The following PDZD2 variants were observed in gnomAD, a reference collection of about 807,000 sequenced individuals.
PDZD2 encodes PDZ domain containing 2, also known as PDZ domain-containing protein 2.
Under a neutral mutation model 220.7 loss-of-function variants are expected in PDZD2, and 90 were observed. That is an observed-to-expected ratio of 0.41 (90% confidence interval 0.34 to 0.49). PDZD2 has a LOEUF of 0.49. Among genes scored for constraint, PDZD2 ranks in the 20% least tolerant of loss-of-function variants. The probability of loss-of-function intolerance (pLI) is 0.28; values close to 1 mark genes in which losing one functional copy is unlikely to be tolerated. For synonymous variants in PDZD2, 1,375 were observed against 1,450.5 expected, an observed-to-expected ratio of 0.95 and a Z score of 1.18; for missense variants, 3,174 against 3,608.5, an observed-to-expected ratio of 0.88 and a Z score of 3.08.
intron 1 of PDZD2, among the ~76,000 whole-genome samples, chr5:31,690,847 G>C (rs1747089921): frequency 6.6e-6 from 1 of 152,082 alleles, no homozygotes; most frequent in African/African-American, 2.4e-5. Context: ...TTTTTTTGGG[G>C]GGCCACTGTC....
At chr5:31,874,304 T>TA (rs1463421461) in intron 2 of PDZD2, among the ~76,000 whole-genome samples, 2 of 152,166 alleles carry the variant, frequency 1.3e-5, no homozygotes, top group African/African-American at 4.8e-5. Flanking sequence ...CATTGGCACA[T>TA]AAAAATCAAT....
rs777036244 is a variant in PDZD2, at chr5:32,074,351, G to A, written c.3245G>A (p.Ser1082Asn). 1.7e-5 allele frequency: 28 copies of A among 1,614,094 alleles called. No homozygotes were observed. In the Admixed American group the frequency reaches 4.3e-4, roughly 25 times the overall value. The change falls in exon 18 of 25, where the codon AGT becomes AAT. Residue 1082 changes from serine to asparagine, a missense_variant. This residue lies in a region of PDZD2 where 1,861 missense variants were observed against 2,001.0 expected (regional missense o/e 0.93). Transcript: ENST00000438447. ...TGGAAGAAGGAACTGTCAGGATCAAGTAGCGCACCCAAATTGGAATACACA... is the reference window on the plus strand; with the variant it reads ...TGGAAGAAGGAACTGTCAGGATCAAATAGCGCACCCAAATTGGAATACACA... ...SWWKKELSGS[S>N]SAPKLEYTVR...
intron 1 of PDZD2, among the ~76,000 whole-genome samples, chr5:31,729,769 T>C (rs1749410383): frequency 6.6e-6 from 1 of 152,228 alleles, no homozygotes; most frequent in Non-Finnish European, 1.5e-5. Context: ...AGAGTGTATC[T>C]TGTGATTCTT....
chr5:32,107,819 A>C (rs570044126), intron 24 of PDZD2, 150 bp from the exon 25 acceptor site: 1 of 507,602 alleles, frequency 2.0e-6, no homozygotes, highest in African/African-American at 2.0e-5. Flanking sequence ...ACTTTTATGG[A>C]TATATGCTTT....
At chr5:31,942,544 G>C (rs1470559991) in intron 2 of PDZD2, among the ~76,000 whole-genome samples, 1 of 152,118 alleles carries the variant, frequency 6.6e-6, no homozygotes, top group African/African-American at 2.4e-5. Flanking sequence ...ATCCTAACTT[G>C]CTGTAACCTT....
intron 1 of PDZD2, among the ~76,000 whole-genome samples, chr5:31,688,318 G>A (rs1406221707): frequency 6.6e-6 from 1 of 152,142 alleles, no homozygotes; most frequent in East Asian, 1.9e-4. Context: ...TGAAAGTAAA[G>A]GCCCTGGTGA....
intron 2 of PDZD2, among the ~76,000 whole-genome samples, chr5:31,801,432 G>T (rs560141716): frequency 6.6e-6 from 1 of 152,306 alleles, no homozygotes; most frequent in East Asian, 1.9e-4. Flanking sequence ...CTTCCTGGAG[G>T]CTGGGTCCAG....
At chr5:31,655,097 C>G (rs1439072348) in intron 1 of PDZD2, among the ~76,000 whole-genome samples, 1 of 152,202 alleles carries the variant, frequency 6.6e-6, no homozygotes, top group African/African-American at 2.4e-5. Flanking sequence ...TTCCGTGCTA[C>G]CCTACACTAG....
At chr5:31,696,754 C>T (rs1747396671) in intron 1 of PDZD2, among the ~76,000 whole-genome samples, 1 of 152,240 alleles carries the variant, frequency 6.6e-6, no homozygotes, top group Non-Finnish European at 1.5e-5. Context: ...TTAACCTCAA[C>T]CCCTTTCTCC....
At chr5:32,062,465 C>T (rs1408509044) in intron 14 of PDZD2, among the ~76,000 whole-genome samples, 1 of 150,904 alleles carries the variant, frequency 6.6e-6, no homozygotes, top group African/African-American at 2.4e-5. Context: ...ACAATCATGG[C>T]TCACTGCAAC....
At chr5:31,781,298 C>G (rs1753049739) in intron 1 of PDZD2, among the ~76,000 whole-genome samples, 1 of 152,306 alleles carries the variant, frequency 6.6e-6, no homozygotes, top group African/African-American at 2.4e-5. Flanking sequence ...TCTGTAATCC[C>G]AGCTACTCAT....
chr5:32,033,829 G>A (rs1366605663), intron 6 of PDZD2, among the ~76,000 whole-genome samples: 1 of 152,130 alleles, frequency 6.6e-6, no homozygotes, highest in Non-Finnish European at 1.5e-5. Context: ...ATGTTGGCCA[G>A]GCTGGTCTTG....
intron 2 of PDZD2, among the ~76,000 whole-genome samples, chr5:31,849,803 C>T (rs1757807456): frequency 1.3e-5 from 2 of 148,900 alleles, no homozygotes; most frequent in South Asian, 4.2e-4. Context: ...GAGATTGCGC[C>T]ACTGCCCTCC....
At chr5:31,998,834 G>C (rs557237055) in intron 4 of PDZD2, among the ~76,000 whole-genome samples, 181 of 152,378 alleles carry the variant, frequency 1.2e-3, no homozygotes, top group Non-Finnish European at 2.0e-3. Flanking sequence ...CAGGCCACAG[G>C]TTGGCCAAGC....
At chr5:31,832,270 G>GA (rs1756648225) in intron 2 of PDZD2, among the ~76,000 whole-genome samples, 1 of 148,676 alleles carries the variant, frequency 6.7e-6, no homozygotes, top group Non-Finnish European at 1.5e-5. Flanking sequence ...CGGGAGAAGG[G>GA]ACGAATGGAG....
chr5:31,678,284 A>G (rs1746521127), intron 1 of PDZD2, among the ~76,000 whole-genome samples: 2 of 151,944 alleles, frequency 1.3e-5, no homozygotes, highest in Non-Finnish European at 2.9e-5. Flanking sequence ...GCCTACTCCC[A>G]CTCACCCCAG....
intron 2 of PDZD2, among the ~76,000 whole-genome samples, chr5:31,845,825 A>T (rs1018429510): frequency 3.9e-5 from 6 of 152,250 alleles, no homozygotes; most frequent in African/African-American, 1.4e-4. Flanking sequence ...TAAAAGGCTT[A>T]CAACAGGTCT....
chr5:32,000,648 T>A lies in PDZD2; in HGVS notation c.1254+377T>A, dbSNP rs1752032322. On this transcript the variant is annotated intron_variant, in intron 5 of 24. Transcript: ENST00000438447. The surrounding 1 kb of genome is among the most constrained non-coding windows in gnomAD (Gnocchi z 4.5). ...GCCTCAGCCTCCCAAGTAGCTAGGA[T>A]TACAGCCACATGCCATCACACCCGG... Among the ~76,000 whole-genome samples the A allele has an allele frequency of 6.6e-6, 1 of 152,108 alleles. No homozygotes were observed. The highest frequency in any genetic ancestry group is 6.5e-5 in the Admixed American group (1 of 15,270).
At chr5:31,718,813 G>A (rs1561404702) in intron 1 of PDZD2, among the ~76,000 whole-genome samples, 1 of 146,532 alleles carries the variant, frequency 6.8e-6, no homozygotes, top group Admixed American at 7.2e-5. Context: ...TCATTCTCCT[G>A]TCTCAGCCTC....
Sources: allele counts gnomAD v4.1 joint callset (sites outside exome capture counted in the v4.1 genomes callset), GRCh38; gene constraint gnomAD v4.1.1; regional missense constraint gnomAD v4.1.1; non-coding constraint Gnocchi (gnomAD v3.1); transcripts MANE v1.5; gene names NCBI Gene and HGNC (gene_info 2026-07-23, HGNC 2026-07-21).